CNGB1: variants seen among roughly 807,000 people sequenced by gnomAD.
CNGB1 encodes the protein cyclic nucleotide gated channel subunit beta 1.
In CNGB1, 126 loss-of-function variants were observed where a neutral mutation model predicts 151.7. The observed-to-expected ratio is 0.83, with a 90% CI of 0.72 to 0.96. The LOEUF (loss-of-function observed/expected upper bound fraction) is 0.96. Ranked by LOEUF, CNGB1 falls within the 40% of genes least tolerant of loss-of-function variation. The pLI is 0.00. For missense variants in CNGB1, 1,698 were observed against 1,627.0 expected (o/e 1.04, Z -0.75); for synonymous variants, 623 against 635.1 (o/e 0.98, Z 0.29).
At chr16:57,968,479 AGAGT>A (rs1465301872) in intron 1 of CNGB1, among the ~76,000 whole-genome samples, 1 of 152,198 alleles carries the variant, frequency 6.6e-6, no homozygotes, top group Non-Finnish European at 1.5e-5. Context: ...CCTGGGTGAC[AGAGT>A]GAGATCCTGT....
At chr16:57,910,251 C>T (rs1396321561) in intron 25 of CNGB1, among the ~76,000 whole-genome samples, 1 of 152,170 alleles carries the variant, frequency 6.6e-6, no homozygotes, top group East Asian at 1.9e-4. Flanking sequence ...CTCTAAAGCC[C>T]GCTATTTAGA....
At chr16:57,951,373 A>G (rs1449295496) in intron 12 of CNGB1, among the ~76,000 whole-genome samples, 2 of 152,128 alleles carry the variant, frequency 1.3e-5, no homozygotes, top group African/African-American at 4.8e-5. Flanking sequence ...TGTTGTTGAG[A>G]CAGGGTCTTG....
chr16:57,904,976 A>C, intron 25 of CNGB1, 101 bp from the exon 26 acceptor site: 1 of 1,465,700 alleles, frequency 6.8e-7, no homozygotes, highest in East Asian at 2.3e-5. Flanking sequence ...TGTTGTGCAA[A>C]AGACAGAAAC....
Position 57,939,704 on chromosome 16 carries a change from T to C in CNGB1, c.1210-112A>G, listed in dbSNP as rs551472253. The C allele has an allele frequency of 2.1e-5, 30 of 1,451,888 alleles. No homozygotes were observed. In the South Asian group the frequency reaches 2.6e-4, roughly 13 times the overall value. The allele number at this position is 1,451,888 out of a possible 1,614,324, so 89.9% of individuals were successfully genotyped here. A position where few individuals can be genotyped will look rare whatever the true frequency, so the allele number is the denominator to read the frequency against. ...GTCCACATGGGCCCAGTTCTGCTTC[T>C]TGCCCTGCCCAGCCAGTCAGGTCCT... On this transcript the variant is annotated intron_variant, in intron 15 of 32. Coordinates refer to ENST00000251102, the MANE Select transcript of CNGB1 (RefSeq NM_001297.5).
In CNGB1 at chr16:57,958,405, C is replaced by T. The variant is rs1419125892; in HGVS notation, c.837+5G>A. ...GGGCCACCACTCCATGAGCCCAGCA[C>T]TGACCTGTTCCCCTATTTTCCCATG... On this transcript the variant is annotated splice_donor_5th_base_variant and intron_variant, in intron 11 of 32. Coordinates refer to ENST00000251102, the MANE Select transcript of CNGB1 (RefSeq NM_001297.5). 1.9e-6 allele frequency: 3 copies of T among 1,613,872 alleles called. No homozygotes were observed. The highest frequency in any genetic ancestry group is 2.2e-5 in the East Asian group (1 of 44,882).
At chr16:57,941,494 G>A (rs1961666856) in intron 14 of CNGB1, among the ~76,000 whole-genome samples, 2 of 152,196 alleles carry the variant, frequency 1.3e-5, no homozygotes, top group Admixed American at 6.5e-5. Context: ...TTGCCACAGC[G>A]GCTCCTGGGC....
chr16:57,892,452 T>C (rs1960118360), intron 31 of CNGB1, among the ~76,000 whole-genome samples: 1 of 152,154 alleles, frequency 6.6e-6, no homozygotes, highest in Non-Finnish European at 1.5e-5. Flanking sequence ...AGTGGGTCCC[T>C]TGAGAGCAAC....
chr16:57,894,235 G>A (rs1047962620), intron 31 of CNGB1, among the ~76,000 whole-genome samples: 7 of 152,176 alleles, frequency 4.6e-5, no homozygotes, highest in Admixed American at 1.3e-4. Context: ...GGGTTTTGTC[G>A]TCATGTGGAA....
chr16:57,904,903 G>A (rs1228282868), intron 25 of CNGB1, 28 bp from the exon 26 acceptor site: 4 of 1,614,004 alleles, frequency 2.5e-6, no homozygotes, highest in Non-Finnish European at 1.7e-6. Flanking sequence ...AGGGAACATG[G>A]GTCATCACAG....
In CNGB1 at chr16:57,923,379, T is replaced by C. The variant is rs780352272; in HGVS notation, c.1537A>G (p.Lys513Glu). 1.9e-6 allele frequency: 3 copies of C among 1,612,530 alleles called. No individual in the cohort carries two copies. The highest frequency in any genetic ancestry group is 2.5e-6 in the Non-Finnish European group (3 of 1,179,270). The change falls in exon 18 of 33, where the codon AAG becomes GAG. Residue 513 changes from lysine (K) to glutamate (E), a missense_variant and splice_region_variant. By Grantham distance (56) the Lys-to-Glu change is moderately conservative (BLOSUM62 1). Transcript: ENST00000251102. ...VPSSASGTHRKKLPSEDDEAE... is the reference protein window; with the variant it reads ...VPSSASGTHREKLPSEDDEAE... The stretch of plus-strand genomic sequence containing the variant: ...TCATCATCCTCAGAGGGCAGCTTCT[T>C]CCTGCAAAGACACAGATGTGGAAGG...
intron 15 of CNGB1, 87 bp from the exon 16 acceptor site, chr16:57,939,679 G>A: frequency 6.4e-7 from 1 of 1,556,314 alleles, no homozygotes; most frequent in Non-Finnish European, 8.8e-7. Context: ...GCCTTCAGAA[G>A]TCCACATGGG....
intron 25 of CNGB1, among the ~76,000 whole-genome samples, chr16:57,911,155 C>A (rs889372551): frequency 6.6e-6 from 1 of 152,106 alleles, no homozygotes; most frequent in Non-Finnish European, 1.5e-5. Context: ...ACAAATACAG[C>A]GTATTTGCAC....
At chr16:57,949,463 G>C in intron 13 of CNGB1, 24 bp from the exon 14 acceptor site, 3 of 1,613,284 alleles carry the variant, frequency 1.9e-6, no homozygotes, top group Non-Finnish European at 2.5e-6. Flanking sequence ...AGAGGCAGGA[G>C]GTGAGCCCAC....
intron 14 of CNGB1, among the ~76,000 whole-genome samples, chr16:57,949,021 C>CA (rs1961877555): frequency 6.6e-6 from 1 of 152,086 alleles, no homozygotes; most frequent in South Asian, 2.1e-4. Flanking sequence ...AGACAACTAA[C>CA]ATTTATTTGG....
intron 23 of CNGB1, among the ~76,000 whole-genome samples, chr16:57,913,559 C>T (rs1184720074): frequency 6.6e-6 from 1 of 152,158 alleles, no homozygotes; most frequent in African/African-American, 2.4e-5. Flanking sequence ...TAGATAACCA[C>T]AGCCTCGAAC....
rs147697690 is a variant in CNGB1, at chr16:57,952,230, C to A, written c.875-1690G>T. ...CTTTCCCCCTTTTAAAGAGAGCCAGCTCAGAGAGGCTGAGTGTCTTGTCCC... is the reference window on the plus strand; with the variant it reads ...CTTTCCCCCTTTTAAAGAGAGCCAGATCAGAGAGGCTGAGTGTCTTGTCCC... On this transcript the variant is annotated intron_variant, in intron 12 of 32. Coordinates refer to ENST00000251102, the MANE Select transcript of CNGB1 (RefSeq NM_001297.5). Among the ~76,000 whole-genome samples the A allele has an allele frequency of 8.4e-3, 1,276 of 152,334 alleles. 17 individuals carry two copies. Among genetic ancestry groups the A allele is most frequent in the African/African-American group, 0.029 (1,215 of 41,572 alleles).
intron 1 of CNGB1, among the ~76,000 whole-genome samples, chr16:57,968,902 G>T (rs1406657425): frequency 6.6e-6 from 1 of 150,726 alleles, no homozygotes; most frequent in Non-Finnish European, 1.5e-5. Context: ...ATGGTGGTGT[G>T]CACCTGTAGT....
In CNGB1 at chr16:57,939,445, C is replaced by G. The variant is rs954174915; in HGVS notation, c.1357G>C (p.Ala453Pro). 6 of 1,614,046 alleles carry G rather than the reference C, an allele frequency of 3.7e-6. No individual in the cohort carries two copies. The South Asian group carries it at 6.6e-5, about 18-fold the overall frequency. Residue 453 changes from alanine (A) to proline (P), a missense_variant, in exon 16 of 33, where the codon GCT becomes CCT. Ala to Pro is a conservative substitution (Grantham distance 27). Transcript: ENST00000251102. ...CCACACCTACCTCCTGAACTGGCAG[C>G]CTCGGCCTCAGCCTCAGGCTCCTCC... ...TKEEPEAEAEAASSGVPATKQ... is the reference protein window; with the variant it reads ...TKEEPEAEAEPASSGVPATKQ...
chr16:57,906,990 C>G (rs896756846), intron 25 of CNGB1, among the ~76,000 whole-genome samples: 1 of 152,190 alleles, frequency 6.6e-6, no homozygotes, highest in African/African-American at 2.4e-5. Context: ...CACAAATGTT[C>G]GCTTTGTAAA....
Sources: allele counts gnomAD v4.1 joint callset (sites outside exome capture counted in the v4.1 genomes callset), GRCh38; gene constraint gnomAD v4.1.1; transcripts MANE v1.5; gene names NCBI Gene and HGNC (gene_info 2026-07-23, HGNC 2026-07-21).